Variants in RNLS observed in about 807,000 individuals in gnomAD.
RNLS encodes renalase.
Under a neutral mutation model 39.8 loss-of-function variants are expected in RNLS, and 39 were observed. The observed-to-expected ratio is 0.98, with a 90% CI of 0.76 to 1.28. The LOEUF (loss-of-function observed/expected upper bound fraction) is 1.28, where lower values mean the gene tolerates loss of function less well. Ranked by LOEUF, RNLS falls within the 50% of genes most tolerant of loss-of-function variation. The pLI, the probability that RNLS is intolerant of heterozygous loss-of-function variation, is 0.00. For missense variants in RNLS, 410 were observed against 413.3 expected, an observed-to-expected ratio of 0.99 and a Z score of 0.07; for synonymous variants, 147 against 150.7, an observed-to-expected ratio of 0.98 and a Z score of 0.18.
chr10:88,564,588 G>C (rs1368352471), intron 4 of RNLS, among the ~76,000 whole-genome samples: 1 of 152,176 alleles, frequency 6.6e-6, no homozygotes, highest in Non-Finnish European at 1.5e-5. Flanking sequence ...ATGCATAACA[G>C]TGGTTAAGAG....
the RNLS span, among the ~76,000 whole-genome samples, chr10:88,235,120 G>A: frequency 6.6e-6 from 1 of 151,828 alleles, no homozygotes; most frequent in Non-Finnish European, 1.5e-5. Context: ...AAATTAGCCG[G>A]GCGTCGGGGT....
intron 4 of RNLS, among the ~76,000 whole-genome samples, chr10:88,560,005 G>A (rs1849085212): frequency 6.6e-6 from 1 of 151,768 alleles, no homozygotes; most frequent in South Asian, 2.1e-4. Context: ...TTTGATACAT[G>A]TATAAATATG....
chr10:88,531,444 C>T lies in RNLS; in HGVS notation c.526+41459G>A, dbSNP rs146074318. 3.8e-3 allele frequency among the ~76,000 whole-genome samples: 572 copies of T among 152,148 alleles called. 1 individual carries two copies. The highest frequency in any genetic ancestry group is 6.2e-3 in the Non-Finnish European group (423 of 67,960). On this transcript the variant is annotated intron_variant, in intron 4 of 6. Coordinates refer to ENST00000331772, the MANE Select transcript of RNLS (RefSeq NM_001031709.3). ...AACCCCCGTTAGATTAGGTACATTA[C>T]GATTCCACTTAGTCTAGATAAAAGC...
chr10:88,302,439 T>C (rs140114701), intron 6 of RNLS, among the ~76,000 whole-genome samples: 136 of 152,344 alleles, frequency 8.9e-4, no homozygotes, highest in African/African-American at 2.9e-3. Context: ...GCCAATGTCT[T>C]TGAAGGTTGC....
chr10:88,276,083 C>A (rs546768175), intron 6 of RNLS, among the ~76,000 whole-genome samples: 2 of 151,816 alleles, frequency 1.3e-5, no homozygotes, highest in African/African-American at 2.4e-5. Flanking sequence ...CAAAAACATG[C>A]GAATAATAAA....
rs149578815 is a variant in RNLS at position 88,326,384 on chromosome 10, G to C, written c.701-11743C>G. 3.6e-3 allele frequency among the ~76,000 whole-genome samples: 551 copies of C among 152,326 alleles called. 3 individuals are homozygous for C. The highest frequency in any genetic ancestry group is 0.013 in the African/African-American group (527 of 41,562). On this transcript the variant is annotated intron_variant, in intron 5 of 6. Coordinates refer to ENST00000331772, the MANE Select transcript of RNLS (RefSeq NM_001031709.3). ...GAGATGAGGAACTTATTGGGAACTA[G>C]AGCGAAGGTCACTCTTGCCATGCTT...
the RNLS span, among the ~76,000 whole-genome samples, chr10:88,255,944 G>A: frequency 6.6e-6 from 1 of 152,156 alleles, no homozygotes; most frequent in South Asian, 2.1e-4. Context: ...TGGCAAACAG[G>A]AATCAAGAAT....
chr10:88,264,395 A>T, the RNLS span, among the ~76,000 whole-genome samples: 1 of 139,962 alleles, frequency 7.1e-6, no homozygotes, highest in East Asian at 1.9e-4. Context: ...TGGAATCTCT[A>T]TACTGTTTTC....
the RNLS span, among the ~76,000 whole-genome samples, chr10:88,264,940 G>T: frequency 6.6e-6 from 1 of 152,168 alleles, no homozygotes; most frequent in Non-Finnish European, 1.5e-5. Context: ...TTTTTCCAAT[G>T]TTATCTTCTA....
At chr10:88,575,173 CACACACAT>C (rs1193622737) in intron 3 of RNLS, among the ~76,000 whole-genome samples, 182 of 127,548 alleles carry the variant, frequency 1.4e-3, no homozygotes, top group East Asian at 1.8e-3. Context: ...CACACACACA[CACACACAT>C]ATTATATATA....
chr10:88,196,810 A>T, the RNLS span, among the ~76,000 whole-genome samples: 1 of 152,288 alleles, frequency 6.6e-6, no homozygotes, highest in East Asian at 1.9e-4. Context: ...ATTACTTGTT[A>T]CTCAGTAATA....
the RNLS span, among the ~76,000 whole-genome samples, chr10:88,230,301 T>G: frequency 1.3e-5 from 2 of 152,196 alleles, no homozygotes; most frequent in Admixed American, 6.5e-5. Flanking sequence ...ATTTTTTTTG[T>G]AGTTCTGAAA....
At chr10:88,554,249 T>C (rs759889072) in intron 4 of RNLS, among the ~76,000 whole-genome samples, 24 of 152,134 alleles carry the variant, frequency 1.6e-4, no homozygotes, top group Non-Finnish European at 3.4e-4. Context: ...ATTTGTTGTA[T>C]AAAACATTCC....
At chr10:88,172,311 TTTCTC>T in the RNLS span, among the ~76,000 whole-genome samples, 1 of 152,232 alleles carries the variant, frequency 6.6e-6, no homozygotes, top group Non-Finnish European at 1.5e-5. Flanking sequence ...AGAGTTTTCT[TTTCTC>T]AGCATCCTTG....
chr10:88,582,983 C>T (rs1564924069), intron 1 of RNLS, 90 bp downstream of exon 1: 3 of 1,447,974 alleles, frequency 2.1e-6, no homozygotes, highest in East Asian at 2.5e-5. Context: ...AGCGTTTTCG[C>T]CTTAGACTTT....
chr10:88,380,587 T>C (rs1225209126), intron 4 of RNLS, among the ~76,000 whole-genome samples: 2 of 151,522 alleles, frequency 1.3e-5, no homozygotes, highest in Non-Finnish European at 2.9e-5. Context: ...GGTTTCACTG[T>C]GTTAGCCAGG....
chr10:88,213,778 G>C, the RNLS span, among the ~76,000 whole-genome samples: 1 of 152,156 alleles, frequency 6.6e-6, no homozygotes, highest in African/African-American at 2.4e-5. Context: ...ACAGGCTGTT[G>C]TACTGATTCT....
At chr10:88,473,833 A>AT in intron 4 of RNLS, among the ~76,000 whole-genome samples, 1 of 151,942 alleles carries the variant, frequency 6.6e-6, no homozygotes, top group East Asian at 1.9e-4. Flanking sequence ...CCATATATAT[A>AT]TATTTTTCTC....
intron 6 of RNLS, among the ~76,000 whole-genome samples, chr10:88,275,473 A>G (rs1842781511): frequency 6.6e-6 from 1 of 152,240 alleles, no homozygotes; most frequent in Non-Finnish European, 1.5e-5. Flanking sequence ...TTATTGCAAC[A>G]ATGTTGCAAC....
Sources: gnomAD v4.1 joint callset for allele counts (sites outside exome capture counted in the v4.1 genomes callset) on GRCh38, gnomAD v4.1.1 for gene constraint, MANE v1.5 for transcripts, NCBI Gene and HGNC (gene_info 2026-07-23, HGNC 2026-07-21) for gene names.